WDR70: variants seen among roughly 807,000 people sequenced by gnomAD.
The protein encoded by WDR70 is WD repeat-containing protein 70.
WDR70 carries 53 observed loss-of-function variants against 88.6 expected under a neutral mutation model. The observed-to-expected ratio is 0.60, with a 90% CI of 0.48 to 0.75. The LOEUF is 0.75. Ranked by LOEUF, WDR70 falls within the 30% of genes least tolerant of loss-of-function variation. WDR70 has a pLI of 0.00. For synonymous variants in WDR70, 280 were observed against 270.0 expected (o/e 1.04, Z -0.36); for missense variants, 610 against 823.2 (o/e 0.74, Z 3.17).
chr5:37,680,357 A>T (rs1746389979), intron 10 of WDR70, among the ~76,000 whole-genome samples: 1 of 151,490 alleles, frequency 6.6e-6, no homozygotes. Context: ...TTGTCTGTTT[A>T]CTCTGTTGAT....
At chr5:37,667,079 C>T (rs12690658) in intron 10 of WDR70, among the ~76,000 whole-genome samples, 150,860 of 152,334 alleles carry the variant, frequency 0.99, 74,719 homozygotes, top group East Asian at 1. Flanking sequence ...ATTGCCTCTT[C>T]GTGGATGAAA....
chr5:37,568,044 A>G (rs980049537), intron 9 of WDR70, among the ~76,000 whole-genome samples: 4 of 152,054 alleles, frequency 2.6e-5, no homozygotes, highest in Admixed American at 2.0e-4. Context: ...AAAATACCTC[A>G]CTGATATCAG....
intron 10 of WDR70, among the ~76,000 whole-genome samples, chr5:37,690,157 A>G (rs1746743662): frequency 6.6e-6 from 1 of 152,234 alleles, no homozygotes; most frequent in South Asian, 2.1e-4. Context: ...AGACAAGGTT[A>G]GAGAAAAAAG....
intron 8 of WDR70, among the ~76,000 whole-genome samples, chr5:37,481,498 A>G (rs1561868960): frequency 6.6e-6 from 1 of 152,066 alleles, no homozygotes; most frequent in Non-Finnish European, 1.5e-5. Flanking sequence ...CTCTGAAGCC[A>G]TGGCCTGAGG....
chr5:37,747,247 C>T (rs535752939), intron 17 of WDR70, among the ~76,000 whole-genome samples: 10 of 152,002 alleles, frequency 6.6e-5, no homozygotes, highest in African/African-American at 1.4e-4. Context: ...AAGACATTTA[C>T]GTGGCCAACA....
chr5:37,576,227 C>G (rs1190595098), intron 9 of WDR70, among the ~76,000 whole-genome samples: 2 of 150,718 alleles, frequency 1.3e-5, no homozygotes, highest in Non-Finnish European at 3.0e-5. Flanking sequence ...TCCTTCCTAC[C>G]TCACTGACCT....
chr5:37,534,657 C>T (rs1443058917), intron 9 of WDR70, among the ~76,000 whole-genome samples: 3 of 152,038 alleles, frequency 2.0e-5, no homozygotes, highest in African/African-American at 7.3e-5. Flanking sequence ...ACCACCACAC[C>T]TGGCTAATTT....
chr5:37,694,745 A>C (rs1302418058), intron 10 of WDR70, among the ~76,000 whole-genome samples: 1 of 152,066 alleles, frequency 6.6e-6, no homozygotes, highest in Non-Finnish European at 1.5e-5. Flanking sequence ...TACCTAATGT[A>C]AATGATGAGT....
At chr5:37,741,501 G>T (rs1581541207) in intron 17 of WDR70, among the ~76,000 whole-genome samples, 2 of 152,072 alleles carry the variant, frequency 1.3e-5, no homozygotes, top group Admixed American at 6.6e-5. Flanking sequence ...ATGGTTTTGG[G>T]ATGAAACTGT....
chr5:37,608,283 G>A (rs1033720566), intron 10 of WDR70, among the ~76,000 whole-genome samples: 8 of 151,952 alleles, frequency 5.3e-5, no homozygotes, highest in East Asian at 1.9e-4. Flanking sequence ...CTCGTGATCC[G>A]CCCGCCTTGG....
rs563072411 is a variant in WDR70 at position 37,727,090 on chromosome 5, G to T, written c.1877+45G>T. Reference sequence around the variant, plus strand: ...AAACAGGAAAATTGTTATGTTTAATGAATTGGGGAGAACATAACAATGTTG... The same window carrying T: ...AAACAGGAAAATTGTTATGTTTAATTAATTGGGGAGAACATAACAATGTTG... On this transcript the variant is annotated intron_variant, in intron 17 of 17. Coordinates refer to ENST00000265107, the MANE Select transcript of WDR70 (RefSeq NM_018034.4). The T allele has an allele frequency of 3.2e-6, 5 of 1,570,518 alleles. No individual in the cohort carries two copies. In the South Asian group the frequency reaches 4.8e-5, roughly 15 times the overall value.
At chr5:37,547,455 T>C (rs1742030470) in intron 9 of WDR70, among the ~76,000 whole-genome samples, 1 of 152,180 alleles carries the variant, frequency 6.6e-6, no homozygotes, top group Non-Finnish European at 1.5e-5. Context: ...ATACTATTTC[T>C]AAATCCCTTC....
chr5:37,441,244 A>G (rs553108026), intron 6 of WDR70, among the ~76,000 whole-genome samples: 1 of 152,266 alleles, frequency 6.6e-6, no homozygotes, highest in East Asian at 1.9e-4. Context: ...CTATTCATTT[A>G]TTTTTGTTTT....
chr5:37,439,013 G>C (rs2112041942), intron 6 of WDR70, among the ~76,000 whole-genome samples: 1 of 151,898 alleles, frequency 6.6e-6, no homozygotes, highest in South Asian at 2.1e-4. Context: ...CAACTCCCGG[G>C]TTCATGCCAT....
At position 37,611,796 on chromosome 5, in the gene WDR70, T is replaced by TAAAA. The variant is rs77585864; in HGVS notation, c.1092+6564_1092+6567dup. ...TGATTTCAGCCTTTTTTTTTTTTTT[T>TAAAA]AAAAAAAAACTTCTTTGACATACCA... On this transcript the variant is annotated intron_variant, in intron 10 of 17. Coordinates refer to ENST00000265107, the MANE Select transcript of WDR70 (RefSeq NM_018034.4). Among the ~76,000 whole-genome samples the TAAAA allele has an allele frequency of 3.4e-3, 490 of 146,126 alleles. 6 individuals carry two copies. Among genetic ancestry groups the TAAAA allele is most frequent in the African/African-American group, 0.012 (474 of 39,936 alleles).
intron 8 of WDR70, among the ~76,000 whole-genome samples, chr5:37,483,729 G>GC (rs869172896): frequency 6.8e-6 from 1 of 146,948 alleles, no homozygotes. Context: ...TGGAGGAGGT[G>GC]CCCCCCACCT....
In WDR70 at chr5:37,697,571, A is replaced by T. The variant is rs1747017641; in HGVS notation, c.1093-84A>T. The T allele has an allele frequency of 5.5e-6, 6 of 1,084,722 alleles. No homozygotes were observed. In the South Asian group the frequency reaches 8.1e-5, roughly 15 times the overall value. The allele number at this position is 1,084,722 out of a possible 1,614,324, so 67.2% of individuals were successfully genotyped here. ...TATAGGTGTGTATTATTTTCATCGT[A>T]ATAAAGTGAAATGTTCTTGCCACAA... is the stretch of plus-strand genomic sequence containing the variant. On this transcript the variant is annotated intron_variant, in intron 10 of 17. Coordinates refer to ENST00000265107, the MANE Select transcript of WDR70 (RefSeq NM_018034.4).
chr5:37,701,561 G>T (rs1002106216), intron 12 of WDR70, among the ~76,000 whole-genome samples: 7 of 151,914 alleles, frequency 4.6e-5, no homozygotes. Context: ...AGGCCGAGGC[G>T]GGCAGATCAC....
intron 8 of WDR70, among the ~76,000 whole-genome samples, chr5:37,509,059 T>A (rs1228383303): frequency 6.6e-6 from 1 of 152,200 alleles, no homozygotes; most frequent in African/African-American, 2.4e-5. Context: ...GGATCAGTAC[T>A]GATATATCTC....
Sources: gnomAD v4.1 joint callset for allele counts (sites outside exome capture counted in the v4.1 genomes callset) on GRCh38, gnomAD v4.1.1 for gene constraint, MANE v1.5 for transcripts, NCBI Gene and HGNC (gene_info 2026-07-23, HGNC 2026-07-21) for gene names.